Variants in AGAP1 observed in about 807,000 individuals in gnomAD.
AGAP1 encodes ArfGAP with GTPase domain, ankyrin repeat and PH domain 1, also known as arf-GAP with GTPase, ANK repeat and PH domain-containing protein 1.
In AGAP1, 29 loss-of-function variants were observed where a neutral mutation model predicts 105.3. The ratio of observed to expected loss-of-function variants is 0.28; its 90% CI spans 0.21 to 0.38. AGAP1 has a LOEUF of 0.38. AGAP1 is among the 10% of genes least tolerant of loss of function. The probability of loss-of-function intolerance (pLI) is 1.00; values close to 1 mark genes in which losing one functional copy is unlikely to be tolerated. For synonymous variants in AGAP1, 509 were observed against 485.9 expected, an observed-to-expected ratio of 1.05 and a Z score of -0.63; for missense variants, 998 against 1,165.1, an observed-to-expected ratio of 0.86 and a Z score of 2.09.
rs780232022 is a variant in AGAP1, at chr2:236,002,661, G to C, written c.1646-33900G>C. ...TCTTGTCCCTCCTGGATGAATACAG[G>C]ACACTTAAACATTTAAAGGGGGGAC... On this transcript the variant is annotated intron_variant, in intron 13 of 17. Coordinates refer to ENST00000304032, the MANE Select transcript of AGAP1 (RefSeq NM_001037131.3). This position sits in a 1 kb window ranked among gnomAD's most constrained non-coding sequence, Gnocchi z 4.3. Among the ~76,000 whole-genome samples the C allele has an allele frequency of 1.3e-5, 2 of 152,086 alleles. No homozygotes were observed. The highest frequency in any genetic ancestry group is 2.9e-5 in the Non-Finnish European group (2 of 68,008).
chr2:235,920,928 TATC>T (rs1477777602), intron 11 of AGAP1, among the ~76,000 whole-genome samples: 1 of 152,240 alleles, frequency 6.6e-6, no homozygotes, highest in East Asian at 1.9e-4. Flanking sequence ...GGCATACTGT[TATC>T]ATTATCACCA....
In AGAP1 at chr2:235,901,116, C is replaced by T. The variant is rs554687728; in HGVS notation, c.1156-7622C>T. 2.6e-5 allele frequency among the ~76,000 whole-genome samples: 4 copies of T among 152,264 alleles called. No individual in the cohort carries two copies. Among genetic ancestry groups the T allele is most frequent in the Non-Finnish European group, 5.9e-5 (4 of 68,018 alleles). Reference sequence around the variant, plus strand: ...TGACTTTGGTCTGCACCTGTGACTACGTACAAGGCCATTGTTTATTATTCA... The same window carrying T: ...TGACTTTGGTCTGCACCTGTGACTATGTACAAGGCCATTGTTTATTATTCA... On this transcript the variant is annotated intron_variant, in intron 10 of 17. Transcript: ENST00000304032. The surrounding 1 kb of genome is among the most constrained non-coding windows in gnomAD (Gnocchi z 4.3).
rs997443201 is a variant in AGAP1 at position 235,550,855 on chromosome 2, A to T, written c.163+56006A>T. ...AGTGGCACTGTCTCGGCTCACTACA[A>T]CCTCCACCTCCTGGGTCCAAGCAAT... On this transcript the variant is annotated intron_variant, in intron 1 of 17. Transcript: ENST00000304032. The surrounding 1 kb of genome is among the most constrained non-coding windows in gnomAD (Gnocchi z 4.6). Among the ~76,000 whole-genome samples, 1 of 151,486 alleles carries T rather than the reference A, an allele frequency of 6.6e-6. No individual in the cohort carries two copies. Among genetic ancestry groups the T allele is most frequent in the Non-Finnish European group, 1.5e-5 (1 of 67,878 alleles).
chr2:235,524,536 A>G (rs370461384), intron 1 of AGAP1: 2 of 332,078 alleles, frequency 6.0e-6, no homozygotes, highest in South Asian at 2.5e-5. Context: ...CCCAGCCCCC[A>G]TGGGTAAGTA....
Position 236,044,775 on chromosome 2 carries a change from A to G in AGAP1, c.1891+3934A>G, listed in dbSNP as rs2057665430. On this transcript the variant is annotated intron_variant, in intron 15 of 17. Transcript: ENST00000304032. This position sits in a 1 kb window ranked among gnomAD's most constrained non-coding sequence, Gnocchi z 5.7. ...GACCTCCAGGTTTGAAATCACACACACACACACACACACATCCCTACTCCC... is the reference window on the plus strand; with the variant it reads ...GACCTCCAGGTTTGAAATCACACACGCACACACACACACATCCCTACTCCC... 6.6e-6 allele frequency among the ~76,000 whole-genome samples: 1 copy of G among 151,662 alleles called. No individual in the cohort carries two copies. The highest frequency in any genetic ancestry group is 1.5e-5 in the Non-Finnish European group (1 of 67,932).
In AGAP1 at chr2:235,677,775, T is replaced by C. The variant is rs115746233; in HGVS notation, c.164-31404T>C. Among the ~76,000 whole-genome samples the C allele has an allele frequency of 9.3e-3, 1,411 of 152,012 alleles. 21 individuals are homozygous for C. The highest frequency in any genetic ancestry group is 0.032 in the African/African-American group (1,323 of 41,472). The stretch of plus-strand genomic sequence containing the variant: ...GACTCGGTGAACAATGCCGCCAGCC[T>C]TTCTGATGCGGCTCCTGCCCTCTCT... On this transcript the variant is annotated intron_variant, in intron 1 of 17. Transcript: ENST00000304032.
At position 235,852,345 on chromosome 2, in the gene AGAP1, G is replaced by A. The variant is rs80025822; in HGVS notation, c.1051-31000G>A. On this transcript the variant is annotated intron_variant, in intron 9 of 17. Transcript: ENST00000304032. ...TCTGCGTTTGCTTTTTAATGCCAGC[G>A]CCCAGCGAGGGAGCAGGGCCCTCCT... Among the ~76,000 whole-genome samples, 437 of 152,300 alleles carry A rather than the reference G, an allele frequency of 2.9e-3. 2 individuals are homozygous for A. Among genetic ancestry groups the A allele is most frequent in the African/African-American group, 9.8e-3 (407 of 41,574 alleles).
chr2:235,828,753 T>C lies in AGAP1; in HGVS notation c.1050+21422T>C, dbSNP rs992969481. Among the ~76,000 whole-genome samples the C allele has an allele frequency of 2.0e-5, 3 of 152,206 alleles. No homozygotes were observed. In the South Asian group the frequency reaches 6.2e-4, roughly 32 times the overall value. ...ATCCCAAGACTGTTGGGTCCACATG[T>C]TGCTCGGATGTCATGAGATGTCCCT... On this transcript the variant is annotated intron_variant, in intron 9 of 17. Transcript: ENST00000304032.
At position 236,109,583 on chromosome 2, in the gene AGAP1, C is replaced by T. The variant is rs577785843; in HGVS notation, c.2115-10609C>T. 4.6e-5 allele frequency among the ~76,000 whole-genome samples: 7 copies of T among 152,158 alleles called. No individual in the cohort carries two copies. Among genetic ancestry groups the T allele is most frequent in the Admixed American group, 1.3e-4 (2 of 15,290 alleles). ...CAGCGGCAGCGTCGGTGCTCTGGACCGGCAGCCATGGGAATGTCCTAGTCG... is the reference window on the plus strand; with the variant it reads ...CAGCGGCAGCGTCGGTGCTCTGGACTGGCAGCCATGGGAATGTCCTAGTCG... On this transcript the variant is annotated intron_variant, in intron 16 of 17. Transcript: ENST00000304032. This position sits in a 1 kb window ranked among gnomAD's most constrained non-coding sequence, Gnocchi z 5.4.
chr2:235,590,130 C>T (rs774586758), intron 1 of AGAP1, among the ~76,000 whole-genome samples: 3 of 152,192 alleles, frequency 2.0e-5, no homozygotes, highest in East Asian at 3.9e-4. Flanking sequence ...ATCTGCCCGC[C>T]TCGGCCTCCC....
At chr2:235,628,907 G>C (rs939004156) in intron 1 of AGAP1, among the ~76,000 whole-genome samples, 4 of 152,042 alleles carry the variant, frequency 2.6e-5, no homozygotes, top group Non-Finnish European at 5.9e-5. Flanking sequence ...TGCCTCTCGG[G>C]TTCAAGCAAT....
chr2:235,588,930 G>A (rs1434591542), intron 1 of AGAP1, among the ~76,000 whole-genome samples: 3 of 152,076 alleles, frequency 2.0e-5, no homozygotes, highest in Admixed American at 1.3e-4. Context: ...AATTTTGCCT[G>A]GCCCCTAGGT....
chr2:235,785,719 T>C (rs187202244), intron 6 of AGAP1, among the ~76,000 whole-genome samples: 2 of 152,356 alleles, frequency 1.3e-5, no homozygotes, highest in East Asian at 3.9e-4. Flanking sequence ...GCTATCATGT[T>C]GTTGGTGGTA....
Position 235,994,738 on chromosome 2 carries a change from C to T in AGAP1, c.1645+26115C>T, listed in dbSNP as rs1287342747. On this transcript the variant is annotated intron_variant, in intron 13 of 17. Transcript: ENST00000304032. This position sits in a 1 kb window ranked among gnomAD's most constrained non-coding sequence, Gnocchi z 4.4. ...ACACACAAGCTTCTCAGGGGAAGAG[C>T]ATGATGAATTTCTTTCTTTTTTTTT... Among the ~76,000 whole-genome samples the T allele has an allele frequency of 6.6e-6, 1 of 151,668 alleles. No individual in the cohort carries two copies. Among genetic ancestry groups the T allele is most frequent in the Non-Finnish European group, 1.5e-5 (1 of 67,916 alleles).
Position 235,709,357 on chromosome 2 carries a change from G to T in AGAP1, c.222+120G>T, listed in dbSNP as rs947711136. ...GCCCAGAGTGGAAGTGTGACTCTGGGTGTGTTCCTGGGAAGGGCCAGGTAT... is the reference window on the plus strand; with the variant it reads ...GCCCAGAGTGGAAGTGTGACTCTGGTTGTGTTCCTGGGAAGGGCCAGGTAT... On this transcript the variant is annotated intron_variant, in intron 2 of 17. Coordinates refer to ENST00000304032, the MANE Select transcript of AGAP1 (RefSeq NM_001037131.3). 20 of 1,195,162 alleles carry T rather than the reference G, an allele frequency of 1.7e-5. No homozygotes were observed. The Admixed American group carries it at 3.1e-4, about 19-fold the overall frequency. The allele number at this position is 1,195,162 out of a possible 1,614,324, so 74.0% of individuals were successfully genotyped here.
chr2:235,803,219 G>A (rs1957670916), intron 8 of AGAP1, among the ~76,000 whole-genome samples: 1 of 152,180 alleles, frequency 6.6e-6, no homozygotes, highest in South Asian at 2.1e-4. Context: ...TGGTGGTGAT[G>A]ATGCATGCGG....
Position 236,000,721 on chromosome 2 carries a change from C to T in AGAP1, c.1645+32098C>T, listed in dbSNP as rs2056081989. ...GTGGCACATGCCTGAGGCAATCAGC[C>T]CCGATGGTGTGGCGGGGCAGGTACT... On this transcript the variant is annotated intron_variant, in intron 13 of 17. Transcript: ENST00000304032. The surrounding 1 kb of genome is among the most constrained non-coding windows in gnomAD (Gnocchi z 4.3). 6.6e-6 allele frequency among the ~76,000 whole-genome samples: 1 copy of T among 152,178 alleles called. No homozygotes were observed.
At position 235,601,168 on chromosome 2, in the gene AGAP1, C is replaced by T. The variant is rs774754052; in HGVS notation, c.163+106319C>T. ...GGGTGGCTTAACAGAAGTGTATTTG[C>T]TCAGTTTGTAGAAGTTGAAAGTCCA... On this transcript the variant is annotated intron_variant, in intron 1 of 17. Transcript: ENST00000304032. This position sits in a 1 kb window ranked among gnomAD's most constrained non-coding sequence, Gnocchi z 4.4. Among the ~76,000 whole-genome samples the T allele has an allele frequency of 1.2e-4, 18 of 152,166 alleles. No individual in the cohort carries two copies. Among genetic ancestry groups the T allele is most frequent in the Non-Finnish European group, 2.4e-4 (16 of 68,034 alleles).
rs1326907380 is a variant in AGAP1, at chr2:235,721,076, C to T, written c.310+3432C>T. On this transcript the variant is annotated intron_variant, in intron 3 of 17. Coordinates refer to ENST00000304032, the MANE Select transcript of AGAP1 (RefSeq NM_001037131.3). This position sits in a 1 kb window ranked among gnomAD's most constrained non-coding sequence, Gnocchi z 4.5. ...AGACTGGAGTGCAGTGGCGTGATCT[C>T]AGCTCACTCCAACCTCTGCCTCCAG... Among the ~76,000 whole-genome samples the T allele has an allele frequency of 6.6e-6, 1 of 152,146 alleles. No individual in the cohort carries two copies. Among genetic ancestry groups the T allele is most frequent in the Non-Finnish European group, 1.5e-5 (1 of 68,032 alleles).
Sources: gnomAD v4.1 joint callset for allele counts (sites outside exome capture counted in the v4.1 genomes callset) on GRCh38, gnomAD v4.1.1 for gene constraint, Gnocchi (gnomAD v3.1) non-coding constraint, MANE v1.5 for transcripts, NCBI Gene and HGNC (gene_info 2026-07-23, HGNC 2026-07-21) for gene names.